The following PCDHGA1 variants were observed in gnomAD, a reference collection of about 807,000 sequenced individuals.
PCDHGA1 encodes protocadherin gamma subfamily A, 1.
PCDHGA1 carries 32 observed loss-of-function variants against 58.0 expected under a neutral mutation model. The ratio of observed to expected loss-of-function variants is 0.55; its 90% CI spans 0.42 to 0.74. The LOEUF (loss-of-function observed/expected upper bound fraction) is 0.74. Among genes scored for constraint, PCDHGA1 ranks in the 30% least tolerant of loss-of-function variants. The pLI is 0.00. For missense variants in PCDHGA1, 1,205 were observed against 1,182.3 expected (o/e 1.02, Z -0.28); for synonymous variants, 498 against 501.1 (o/e 0.99, Z 0.08).
intron 1 of PCDHGA1, among the ~76,000 whole-genome samples, chr5:141,401,180 A>G (rs1006390606): frequency 2.6e-5 from 4 of 152,196 alleles, no homozygotes; most frequent in Non-Finnish European, 5.9e-5. Context: ...CGTCTCTACT[A>G]AAAATACAAA....
At chr5:141,343,306 G>A in intron 1 of PCDHGA1, 1 of 974,332 alleles carries the variant, frequency 1.0e-6, no homozygotes, top group Non-Finnish European at 1.2e-6. Flanking sequence ...AAATATGGCT[G>A]ATTTCTGTGT....
rs770357830 is a variant in PCDHGA1 at position 141,392,977 on chromosome 5, A to G, written c.2421+59872A>G. On this transcript the variant is annotated intron_variant, in intron 1 of 3. Coordinates refer to ENST00000517417, the MANE Select transcript of PCDHGA1 (RefSeq NM_018912.3). ...AATATCTCCAAGGACCTGGGGCTGG[A>G]CCCCCGGAAGCTGGCGAAGCACGGA... 1.9e-6 allele frequency: 3 copies of G among 1,613,560 alleles called. No homozygotes were observed. The highest frequency in any genetic ancestry group is 4.5e-5 in the East Asian group (2 of 44,876).
At chr5:141,394,648 G>T (rs1294007915) in intron 1 of PCDHGA1, 1 of 1,613,404 alleles carries the variant, frequency 6.2e-7, no homozygotes, top group East Asian at 2.2e-5. Flanking sequence ...CTCAAGGCCA[G>T]CGAGCCGGGA....
intron 1 of PCDHGA1, chr5:141,415,453 G>A (rs759873920): frequency 1.9e-6 from 3 of 1,614,176 alleles, no homozygotes. Context: ...CTATTCCCAC[G>A]AGGTCTCTCT....
chr5:141,466,819 C>A (rs2099130454), intron 1 of PCDHGA1, among the ~76,000 whole-genome samples: 1 of 152,068 alleles, frequency 6.6e-6, no homozygotes, highest in Non-Finnish European at 1.5e-5. Context: ...CATGGTATAA[C>A]AAGTTAGTAT....
intron 2 of PCDHGA1, among the ~76,000 whole-genome samples, chr5:141,503,977 CCTT>C (rs1012021012): frequency 1.3e-5 from 2 of 152,250 alleles, no homozygotes; most frequent in Admixed American, 1.3e-4. Flanking sequence ...GGTGCCAAAC[CCTT>C]CTTCTTACCT....
chr5:141,501,182 C>A (rs531641143), intron 2 of PCDHGA1, among the ~76,000 whole-genome samples: 1 of 152,126 alleles, frequency 6.6e-6, no homozygotes, highest in Non-Finnish European at 1.5e-5. Context: ...TACATTTTAA[C>A]ACAATTAAAT....
chr5:141,346,271 T>A, intron 1 of PCDHGA1: 4 of 1,614,148 alleles, frequency 2.5e-6, no homozygotes, highest in Non-Finnish European at 3.4e-6. Context: ...CGGACGGGGT[T>A]CGGGCTTTCC....
rs2099713635 is a variant in PCDHGA1, at chr5:141,491,418, T to C, written c.2422-3389T>C. The C allele has an allele frequency of 6.2e-7, 1 of 1,613,796 alleles. No individual in the cohort carries two copies. Among genetic ancestry groups the C allele is most frequent in the Non-Finnish European group, 8.5e-7 (1 of 1,179,944 alleles). On this transcript the variant is annotated intron_variant, in intron 1 of 3. Transcript: ENST00000517417. The surrounding 1 kb of genome is among the most constrained non-coding windows in gnomAD (Gnocchi z 6.9). The stretch of plus-strand genomic sequence containing the variant: ...AGGGAAACGCAGACGGGGACGGGGG[T>C]GGAGGGCAGTGCTGCAGGCGCCAGG...
intron 1 of PCDHGA1, chr5:141,345,690 C>T (rs1360065016): frequency 6.2e-7 from 1 of 1,614,108 alleles, no homozygotes; most frequent in African/African-American, 1.3e-5. Context: ...CCTGTTCGTG[C>T]TGGACCAGAA....
chr5:141,448,152 C>T (rs1463599948), intron 1 of PCDHGA1, among the ~76,000 whole-genome samples: 1 of 151,984 alleles, frequency 6.6e-6, no homozygotes, highest in African/African-American at 2.4e-5. Flanking sequence ...CAGACTCACC[C>T]CTGAAAGATC....
At chr5:141,365,680 C>T in intron 1 of PCDHGA1, 1 of 1,613,514 alleles carries the variant, frequency 6.2e-7, no homozygotes, top group Non-Finnish European at 8.5e-7. Flanking sequence ...ACAACCCACC[C>T]AATTTCCCTC....
At chr5:141,333,347 T>A (rs1756460308) in intron 1 of PCDHGA1, 2 of 633,154 alleles carry the variant, frequency 3.2e-6, no homozygotes, top group Admixed American at 3.1e-5. Flanking sequence ...AAGGTATGTG[T>A]GAGATGCCAT....
At chr5:141,366,858 A>G (rs1764831423) in intron 1 of PCDHGA1, 1 of 1,440,284 alleles carries the variant, frequency 6.9e-7, no homozygotes, top group Admixed American at 2.3e-5. Context: ...GTGGAACATT[A>G]TTTGCTGTAT....
At position 141,431,918 on chromosome 5, in the gene PCDHGA1, C is replaced by T; in HGVS notation, c.2422-62889C>T. On this transcript the variant is annotated intron_variant, in intron 1 of 3. Transcript: ENST00000517417. This position sits in a 1 kb window ranked among gnomAD's most constrained non-coding sequence, Gnocchi z 4.8. Reference sequence around the variant, plus strand: ...AAACGGACAGGTGATCTGTTTCATCCAAGGAAATCTGCCCTTTAAATTAGA... The same window carrying T: ...AAACGGACAGGTGATCTGTTTCATCTAAGGAAATCTGCCCTTTAAATTAGA... The T allele has an allele frequency of 6.2e-7, 1 of 1,613,998 alleles. No individual in the cohort carries two copies. The highest frequency in any genetic ancestry group is 8.5e-7 in the Non-Finnish European group (1 of 1,179,862).
intron 1 of PCDHGA1, chr5:141,376,614 T>C: frequency 6.9e-7 from 1 of 1,446,670 alleles, no homozygotes; most frequent in African/African-American, 1.4e-5. Flanking sequence ...CGAACCTCTT[T>C]TGGTACAGGA....
intron 1 of PCDHGA1, chr5:141,384,536 T>A (rs751421323): frequency 2.5e-6 from 4 of 1,614,086 alleles, no homozygotes; most frequent in Admixed American, 1.7e-5. Flanking sequence ...AGCAGCAACA[T>A]GTCACTGAGC....
In PCDHGA1 at chr5:141,403,547, G is replaced by A. The variant is rs940508173; in HGVS notation, c.2421+70442G>A. ...AAACCCAGAGCTGGTGCTGGAGCGC[G>A]CCCTGGACAGGGAGGAGGCAACTGC... On this transcript the variant is annotated intron_variant, in intron 1 of 3. Coordinates refer to ENST00000517417, the MANE Select transcript of PCDHGA1 (RefSeq NM_018912.3). 3.4e-5 allele frequency: 55 copies of A among 1,613,888 alleles called. No individual in the cohort carries two copies. The highest frequency in any genetic ancestry group is 4.5e-5 in the Non-Finnish European group (53 of 1,179,904).
chr5:141,486,150 G>T lies in PCDHGA1; in HGVS notation c.2422-8657G>T. The T allele has an allele frequency of 6.2e-7, 1 of 1,614,180 alleles. No individual in the cohort carries two copies. The highest frequency in any genetic ancestry group is 8.5e-7 in the Non-Finnish European group (1 of 1,180,030). On this transcript the variant is annotated intron_variant, in intron 1 of 3. Transcript: ENST00000517417. This position sits in a 1 kb window ranked among gnomAD's most constrained non-coding sequence, Gnocchi z 5.0. The stretch of plus-strand genomic sequence containing the variant: ...TTTGATGTGCGGGCTCGCGATGGGG[G>T]TTCTCCAGCCATGGAGCAACATTGC...
Sources: gnomAD v4.1 joint callset for allele counts (sites outside exome capture counted in the v4.1 genomes callset) on GRCh38, gnomAD v4.1.1 for gene constraint, Gnocchi (gnomAD v3.1) non-coding constraint, MANE v1.5 for transcripts, NCBI Gene and HGNC (gene_info 2026-07-23, HGNC 2026-07-21) for gene names.